Variants in CACNA2D1 observed in about 807,000 individuals in gnomAD.
The protein encoded by CACNA2D1 is voltage-dependent calcium channel subunit alpha-2/delta-1.
CACNA2D1 carries 53 observed loss-of-function variants against 171.5 expected under a neutral mutation model. That is an observed-to-expected ratio of 0.31 (90% confidence interval 0.25 to 0.39). CACNA2D1 has a LOEUF of 0.39. CACNA2D1 is among the 10% of genes least tolerant of loss of function. The pLI, the probability that CACNA2D1 is intolerant of heterozygous loss-of-function variation, is 1.00. For missense variants in CACNA2D1, 903 were observed against 1,299.8 expected (o/e 0.69, Z 4.69); for synonymous variants, 442 against 443.1 (o/e 1.00, Z 0.03).
In CACNA2D1 at chr7:82,309,834, C is replaced by G. The variant is rs150186846; in HGVS notation, c.294+25301G>C. On this transcript the variant is annotated intron_variant, in intron 3 of 38. Coordinates refer to ENST00000356860, the MANE Select transcript of CACNA2D1 (RefSeq NM_000722.4). ...CCCAGATAGTCCCTGTTCTTCATAC[C>G]TGTCCTGAATGCCATGTGAGTACTC... Among the ~76,000 whole-genome samples, 1,067 of 152,244 alleles carry G rather than the reference C, an allele frequency of 7.0e-3. 15 individuals carry two copies. Among genetic ancestry groups the G allele is most frequent in the African/African-American group, 0.025 (1,031 of 41,546 alleles).
intron 1 of CACNA2D1, among the ~76,000 whole-genome samples, chr7:82,383,456 T>C (rs1823935603): frequency 6.6e-6 from 1 of 152,222 alleles, no homozygotes; most frequent in Admixed American, 6.5e-5. Flanking sequence ...GGAAGAAGAT[T>C]TGTAATAGTT....
At chr7:82,141,230 A>G (rs946421958) in intron 4 of CACNA2D1, among the ~76,000 whole-genome samples, 23 of 152,140 alleles carry the variant, frequency 1.5e-4, no homozygotes, top group African/African-American at 4.6e-4. Flanking sequence ...TCCAGAACCA[A>G]TCTTAACAGA....
At chr7:82,405,771 A>C (rs542681268) in intron 1 of CACNA2D1, among the ~76,000 whole-genome samples, 1 of 152,220 alleles carries the variant, frequency 6.6e-6, no homozygotes, top group African/African-American at 2.4e-5. Flanking sequence ...CACTCTTTCC[A>C]CTTTGGGTTT....
chr7:82,021,363 C>T (rs1202599384), intron 12 of CACNA2D1, among the ~76,000 whole-genome samples: 4 of 151,964 alleles, frequency 2.6e-5, no homozygotes, highest in South Asian at 2.1e-4. Flanking sequence ...TTTATATAAA[C>T]GGAAGTGTTC....
intron 1 of CACNA2D1, among the ~76,000 whole-genome samples, chr7:82,412,544 A>G (rs144679891): frequency 0.045 from 6,819 of 151,770 alleles, 507 homozygotes; most frequent in African/African-American, 0.16. Flanking sequence ...CAGCCTCCCA[A>G]AGTTCTGGGA....
chr7:82,033,153 G>A, intron 11 of CACNA2D1: 1 of 350,304 alleles, frequency 2.9e-6, no homozygotes, highest in Non-Finnish European at 5.3e-6. Context: ...TTTATCATGA[G>A]GTGATTACTC....
At chr7:82,278,170 TTGTC>T (rs1406203620) in intron 3 of CACNA2D1, among the ~76,000 whole-genome samples, 3 of 152,170 alleles carry the variant, frequency 2.0e-5, no homozygotes, top group African/African-American at 7.2e-5. Context: ...AAATAGGAGA[TTGTC>T]TGTATCTATC....
intron 18 of CACNA2D1, among the ~76,000 whole-genome samples, chr7:82,003,245 G>A (rs947961254): frequency 1.3e-5 from 2 of 151,848 alleles, no homozygotes; most frequent in Admixed American, 6.6e-5. Context: ...CTTTTTCATG[G>A]TGTTCTGAAA....
intron 4 of CACNA2D1, among the ~76,000 whole-genome samples, chr7:82,153,638 C>T (rs1342422406): frequency 6.6e-6 from 1 of 151,950 alleles, no homozygotes; most frequent in Non-Finnish European, 1.5e-5. Flanking sequence ...AATTCCAATG[C>T]CTTAAAGCTT....
At chr7:82,205,395 T>TG (rs1213884201) in intron 3 of CACNA2D1, among the ~76,000 whole-genome samples, 1 of 152,130 alleles carries the variant, frequency 6.6e-6, no homozygotes, top group African/African-American at 2.4e-5. Context: ...AGAGTAGTAA[T>TG]GGGGGCAGTA....
chr7:82,059,399 A>G (rs1300347124), intron 10 of CACNA2D1, among the ~76,000 whole-genome samples: 1 of 152,142 alleles, frequency 6.6e-6, no homozygotes, highest in Admixed American at 6.6e-5. Flanking sequence ...TCAAATATCT[A>G]TTGGTTTTTA....
At chr7:81,960,440 A>G (rs1206266517) in intron 36 of CACNA2D1, among the ~76,000 whole-genome samples, 1 of 152,080 alleles carries the variant, frequency 6.6e-6, no homozygotes, top group Non-Finnish European at 1.5e-5. Flanking sequence ...TATAGGTGGT[A>G]ACTACTGCAC....
At chr7:82,170,672 A>C in intron 3 of CACNA2D1, 63 bp from the exon 4 acceptor site, 2 of 1,431,064 alleles carry the variant, frequency 1.4e-6, no homozygotes, top group African/African-American at 2.8e-5. Flanking sequence ...TGTTATATAA[A>C]ATGCTTGCGC....
intron 3 of CACNA2D1, among the ~76,000 whole-genome samples, chr7:82,207,389 T>C (rs1170038068): frequency 2.0e-5 from 3 of 152,190 alleles, no homozygotes; most frequent in Non-Finnish European, 2.9e-5. Flanking sequence ...CCCAGAATCA[T>C]TGTATGGGAC....
chr7:82,427,862 C>T (rs1829326403), intron 1 of CACNA2D1, among the ~76,000 whole-genome samples: 1 of 152,068 alleles, frequency 6.6e-6, no homozygotes, highest in Non-Finnish European at 1.5e-5. Context: ...AATATCTGTC[C>T]TCTGTTTCAG....
At chr7:82,109,203 G>A (rs1788094008) in intron 6 of CACNA2D1, among the ~76,000 whole-genome samples, 1 of 151,662 alleles carries the variant, frequency 6.6e-6, no homozygotes, top group Admixed American at 6.6e-5. Context: ...ATATAATGAT[G>A]TACTTTCCAG....
intron 4 of CACNA2D1, among the ~76,000 whole-genome samples, chr7:82,159,772 T>C (rs59641809): frequency 0.014 from 1,877 of 135,024 alleles, 45 homozygotes; most frequent in African/African-American, 0.05. Flanking sequence ...AAAGCACAGA[T>C]GCATATGAAA....
At chr7:82,176,591 A>C (rs1305741438) in intron 3 of CACNA2D1, among the ~76,000 whole-genome samples, 1 of 151,932 alleles carries the variant, frequency 6.6e-6, no homozygotes, top group East Asian at 1.9e-4. Context: ...GAGGATTAAA[A>C]GTTATAAAAT....
intron 4 of CACNA2D1, among the ~76,000 whole-genome samples, chr7:82,138,547 C>T (rs935671090): frequency 1.3e-5 from 2 of 149,946 alleles, no homozygotes; most frequent in Non-Finnish European, 3.0e-5. Context: ...CCTGGGTTCA[C>T]GCCATTCTCC....
Sources: gnomAD v4.1 joint callset for allele counts (sites outside exome capture counted in the v4.1 genomes callset) on GRCh38, gnomAD v4.1.1 for gene constraint, MANE v1.5 for transcripts, NCBI Gene and HGNC (gene_info 2026-07-23, HGNC 2026-07-21) for gene names.